The following GPALPP1 variants were observed in gnomAD, a reference collection of about 807,000 sequenced individuals.
GPALPP1 encodes GPALPP motifs-containing protein 1.
In GPALPP1, 30 loss-of-function variants were observed where a neutral mutation model predicts 38.9. The observed-to-expected ratio is 0.77, with a 90% CI of 0.58 to 1.05. The LOEUF (loss-of-function observed/expected upper bound fraction) is 1.05. Ranked by LOEUF, GPALPP1 falls within the 50% of genes least tolerant of loss-of-function variation. The pLI, the probability that GPALPP1 is intolerant of heterozygous loss-of-function variation, is 0.00. For missense variants in GPALPP1, 384 were observed against 408.8 expected (o/e 0.94, Z 0.52); for synonymous variants, 120 against 139.2 (o/e 0.86, Z 0.97).
intron 1 of GPALPP1, among the ~76,000 whole-genome samples, chr13:44,997,865 T>C (rs1318587522): frequency 6.6e-6 from 1 of 152,076 alleles, no homozygotes; most frequent in Non-Finnish European, 1.5e-5. Context: ...GTCCAAGTGT[T>C]TACCCCTTGT....
chr13:45,004,433 G>A lies in GPALPP1; in HGVS notation c.217G>A (p.Ala73Thr), dbSNP rs1299492481. The stretch of plus-strand genomic sequence containing the variant: ...TGAAGAAGATGACAGTGGTCCAACT[G>A]CAAGGTCAGTCATTTAATTAAATTA... ...ESEEDDSGPT[A>T]RKQRKNQDDD... The change falls in exon 2 of 8, where the codon GCA becomes ACA. Residue 73 changes from alanine to threonine, a missense_variant. Physicochemically the swap from Ala to Thr is moderately conservative, Grantham distance 58. Coordinates refer to ENST00000379151, the MANE Select transcript of GPALPP1 (RefSeq NM_018559.5). 4 of 1,607,832 alleles carry A rather than the reference G, an allele frequency of 2.5e-6. No homozygotes were observed. In the Admixed American group the frequency reaches 6.7e-5, roughly 27 times the overall value.
exon 8 of GPALPP1, chr13:45,036,076 G>A (rs1475749730): frequency 6.6e-6 from 1 of 152,172 alleles, no homozygotes; most frequent in Non-Finnish European, 1.5e-5. Flanking sequence ...TTTGTTATAT[G>A]TTCTGTTTTC....
At position 45,018,882 on chromosome 13, in the gene GPALPP1, G is replaced by T. The variant is rs1393327645; in HGVS notation, c.706-1448G>T. Reference sequence around the variant, plus strand: ...TTTCAAATTCCAGTTGTTTCTTGCTGATATATATAAATATATATACATATA... The same window carrying T: ...TTTCAAATTCCAGTTGTTTCTTGCTTATATATATAAATATATATACATATA... On this transcript the variant is annotated intron_variant, in intron 6 of 7. Transcript: ENST00000379151. Among the ~76,000 whole-genome samples, 8 of 137,842 alleles carry T rather than the reference G, an allele frequency of 5.8e-5. No individual in the cohort carries two copies. The South Asian group carries it at 1.8e-3, about 31-fold the overall frequency. 90.4% of individuals were successfully genotyped at this position (137,842 alleles called of 152,430 possible).
chr13:44,997,587 C>G (rs1566072573), intron 1 of GPALPP1, among the ~76,000 whole-genome samples: 4 of 152,170 alleles, frequency 2.6e-5, no homozygotes, highest in Non-Finnish European at 4.4e-5. Flanking sequence ...ATCTCATTCT[C>G]AGCAAGAACC....
chr13:45,009,340 A>G (rs2137978744), intron 4 of GPALPP1, among the ~76,000 whole-genome samples: 1 of 152,360 alleles, frequency 6.6e-6, no homozygotes, highest in South Asian at 2.1e-4. Context: ...AAGATAGACC[A>G]AATGACTTTG....
At position 45,006,188 on chromosome 13, in the gene GPALPP1, T is replaced by C. The variant is rs1874086355; in HGVS notation, c.222-14T>C. 1 of 1,522,192 alleles carries C rather than the reference T, an allele frequency of 6.6e-7. No individual in the cohort carries two copies. The highest frequency in any genetic ancestry group is 9.0e-7 in the Non-Finnish European group (1 of 1,107,450). 94.3% of individuals were successfully genotyped at this position (1,522,192 alleles called of 1,614,324 possible). A position where few individuals can be genotyped will look rare whatever the true frequency, so the allele number is the denominator to read the frequency against. ...TTGACATATATGCATAAAGTTATAC[T>C]ACTATGTTTTCAGAAAACAGAGGAA... On this transcript the variant is annotated splice_polypyrimidine_tract_variant and intron_variant, in intron 2 of 7. Coordinates refer to ENST00000379151, the MANE Select transcript of GPALPP1 (RefSeq NM_018559.5).
intron 4 of GPALPP1, among the ~76,000 whole-genome samples, chr13:45,010,433 A>G (rs960829070): frequency 1.3e-5 from 2 of 151,916 alleles, no homozygotes; most frequent in Non-Finnish European, 1.5e-5. Context: ...CTTTTTGTTT[A>G]TTGTTGACCT....
At position 45,030,162 on chromosome 13, in the gene GPALPP1, T is replaced by A. The variant is rs185244743; in HGVS notation, c.*2159T>A. ...TGAATACAAAAATGGAAATGGAAAA[T>A]TTATAATCATAACCCCCCTAATTGG... On this transcript the variant is annotated 3_prime_UTR_variant, in exon 8 of 8. Transcript: ENST00000379151. 2.7e-4 allele frequency: 41 copies of A among 152,274 alleles called. No homozygotes were observed. The East Asian group carries it at 7.1e-3, about 26-fold the overall frequency. 9.4% of individuals were successfully genotyped at this position (152,274 alleles called of 1,614,324 possible).
chr13:45,019,099 TTA>T lies in GPALPP1; in HGVS notation c.706-1223_706-1222del, dbSNP rs1318796681. ...TACATATAAATATATGTATATATAT[TTA>T]TATATATTTATATGTATATATATTT... On this transcript the variant is annotated intron_variant, in intron 6 of 7. Transcript: ENST00000379151. Among the ~76,000 whole-genome samples the T allele has an allele frequency of 3.4e-5, 4 of 118,248 alleles. 1 individual carries two copies. The highest frequency in any genetic ancestry group is 1.8e-4 in the Admixed American group (2 of 11,136). 77.6% of individuals were successfully genotyped at this position (118,248 alleles called of 152,430 possible).
chr13:45,032,348 T>A (rs1876238756), downstream of GPALPP1, among the ~76,000 whole-genome samples: 2 of 152,160 alleles, frequency 1.3e-5, no homozygotes, highest in Admixed American at 1.3e-4. Context: ...TAGATCTTGT[T>A]TAGATGTAGC....
chr13:44,989,623 C>A lies in GPALPP1; in HGVS notation c.-32C>A. On this transcript the variant is annotated 5_prime_UTR_variant, in exon 1 of 8. Coordinates refer to ENST00000379151, the MANE Select transcript of GPALPP1 (RefSeq NM_018559.5). ...GATAGGGTTGACGTTCGTGGATAGA[C>A]TCATATCTGTGACCAGTGTCCGCCA... 1.3e-6 allele frequency: 2 copies of A among 1,578,858 alleles called. No homozygotes were observed. The highest frequency in any genetic ancestry group is 1.7e-6 in the Non-Finnish European group (2 of 1,149,106).
downstream of GPALPP1, among the ~76,000 whole-genome samples, chr13:45,033,037 C>CA (rs750971257): frequency 5.1e-3 from 609 of 118,596 alleles, 3 homozygotes; most frequent in South Asian, 0.039. Context: ...ACTCCATCTC[C>CA]AAAAAAAAAA....
At chr13:45,004,460 A>G (rs1332252332) in intron 2 of GPALPP1, 23 bp downstream of exon 2, 2 of 1,576,992 alleles carry the variant, frequency 1.3e-6, no homozygotes, top group East Asian at 2.2e-5. Flanking sequence ...ATTAAATTAA[A>G]TGATAGACCA....
chr13:44,996,276 G>T (rs1030076176), intron 1 of GPALPP1, among the ~76,000 whole-genome samples: 15 of 151,722 alleles, frequency 9.9e-5, no homozygotes, highest in Non-Finnish European at 2.1e-4. Flanking sequence ...GATTGCTTGA[G>T]CCCAGGAGTT....
chr13:45,008,217 G>A (rs1874235249), intron 3 of GPALPP1, among the ~76,000 whole-genome samples: 1 of 152,140 alleles, frequency 6.6e-6, no homozygotes, highest in Admixed American at 6.5e-5. Context: ...TAATGAACTA[G>A]CTGCATTCTT....
At chr13:45,011,611 G>A (rs1280136052) in intron 4 of GPALPP1, among the ~76,000 whole-genome samples, 1 of 152,054 alleles carries the variant, frequency 6.6e-6, no homozygotes, top group Admixed American at 6.6e-5. Context: ...AACAGGATGG[G>A]GGAAACCACC....
At chr13:45,026,389 T>C (rs999297280) in intron 7 of GPALPP1, among the ~76,000 whole-genome samples, 6 of 152,254 alleles carry the variant, frequency 3.9e-5, no homozygotes, top group Non-Finnish European at 5.9e-5. Context: ...GACAAAGTCA[T>C]TTCTGGTTGT....
rs2138021762 is a variant in GPALPP1 at position 45,028,236 on chromosome 13, C to G, written c.*233C>G. On this transcript the variant is annotated 3_prime_UTR_variant, in exon 8 of 8. Transcript: ENST00000379151. ...TAATAGGGCATTGCTATTAAAAATG[C>G]TAAAATAAAAATTCAGCTTATGAGA... 1 of 230,146 alleles carries G rather than the reference C, an allele frequency of 4.3e-6. No homozygotes were observed. Among genetic ancestry groups the G allele is most frequent in the African/African-American group, 2.3e-5 (1 of 44,110 alleles). The allele number at this position is 230,146 out of a possible 1,614,324, so 14.3% of individuals were successfully genotyped here.
At position 45,027,462 on chromosome 13, in the gene GPALPP1, C is replaced by G. The variant is rs1488594209; in HGVS notation, c.805-323C>G. 4.6e-5 allele frequency among the ~76,000 whole-genome samples: 7 copies of G among 152,198 alleles called. No homozygotes were observed. In the East Asian group the frequency reaches 1.3e-3, roughly 29 times the overall value. ...TCTTTTACCTTTGTTTTTGCTTCAG[C>G]CTGACAGTGCCTTTCCTTCCTATCC... On this transcript the variant is annotated intron_variant, in intron 7 of 7. Coordinates refer to ENST00000379151, the MANE Select transcript of GPALPP1 (RefSeq NM_018559.5).
Sources: gnomAD v4.1 joint callset for allele counts (sites outside exome capture counted in the v4.1 genomes callset) on GRCh38, gnomAD v4.1.1 for gene constraint, MANE v1.5 for transcripts, NCBI Gene and HGNC (gene_info 2026-07-23, HGNC 2026-07-21) for gene names.